BACE2: variants seen among roughly 807,000 people sequenced by gnomAD.
BACE2 encodes the protein beta-secretase 2, also known as 56 kDa aspartic-like protease.
In BACE2, 17 loss-of-function variants were observed where a neutral mutation model predicts 46.2. That is an observed-to-expected ratio of 0.37 (90% confidence interval 0.25 to 0.55). The LOEUF (loss-of-function observed/expected upper bound fraction) is 0.55. BACE2 is among the 20% of genes least tolerant of loss of function. BACE2 has a pLI of 0.82. For synonymous variants in BACE2, 277 were observed against 295.9 expected, an observed-to-expected ratio of 0.94 and a Z score of 0.66; for missense variants, 595 against 698.1, an observed-to-expected ratio of 0.85 and a Z score of 1.66.
chr21:41,239,535 G>T (rs932534940), intron 3 of BACE2, among the ~76,000 whole-genome samples: 1 of 152,100 alleles, frequency 6.6e-6, no homozygotes, highest in Admixed American at 6.5e-5. Context: ...ATGCCACAAC[G>T]CCTGGCTAAG....
Position 41,225,372 on chromosome 21 carries a change from A to G in BACE2, c.313-894A>G, listed in dbSNP as rs1265636445. On this transcript the variant is annotated intron_variant, in intron 1 of 8. Coordinates refer to ENST00000330333, the MANE Select transcript of BACE2 (RefSeq NM_012105.5). ...CTGTCTTATTCATAGTAGCCTCAAA[A>G]TGGACACAACTCAAGGGCCCGTCGA... 3.9e-5 allele frequency: 6 copies of G among 152,198 alleles called. No homozygotes were observed. In the East Asian group the frequency reaches 1.2e-3, roughly 29 times the overall value. 9.4% of individuals were successfully genotyped at this position (152,198 alleles called of 1,614,324 possible).
At chr21:41,252,327 AC>A in intron 7 of BACE2, 1 of 151,044 alleles carries the variant, frequency 6.6e-6, no homozygotes, top group Non-Finnish European at 1.5e-5. Context: ...TGTTCCACCA[AC>A]CCCCCTGCCT....
In BACE2 at chr21:41,273,441, A is replaced by T. The variant is rs574539194; in HGVS notation, c.1304-1930A>T. On this transcript the variant is annotated intron_variant, in intron 8 of 8. Transcript: ENST00000330333. ...TTCAGGGACCTACCCCTAGGAACAC[A>T]TTCTTTTTCTCAGGGCTGTTCCTGC... Among the ~76,000 whole-genome samples the T allele has an allele frequency of 8.5e-5, 13 of 152,328 alleles. No homozygotes were observed. In the South Asian group the frequency reaches 2.7e-3, roughly 32 times the overall value.
At chr21:41,250,637 T>G in intron 6 of BACE2, 115 bp from the exon 7 acceptor site, 1 of 904,914 alleles carries the variant, frequency 1.1e-6, no homozygotes, top group Non-Finnish European at 1.7e-6. Context: ...TCTGTCCAAA[T>G]TAAACATTGT....
rs544230038 is a variant in BACE2 at position 41,195,777 on chromosome 21, A to G, written c.312+27202A>G. Among the ~76,000 whole-genome samples the G allele has an allele frequency of 3.9e-5, 6 of 152,352 alleles. No individual in the cohort carries two copies. In the South Asian group the frequency reaches 1.2e-3, roughly 32 times the overall value. ...AGATAGGACTGGACTCAAAATGCCT[A>G]AAATCAAATGTATGACCACAAAGCT... On this transcript the variant is annotated intron_variant, in intron 1 of 8. Coordinates refer to ENST00000330333, the MANE Select transcript of BACE2 (RefSeq NM_012105.5).
chr21:41,264,680 T>C (rs1031309348), intron 8 of BACE2, among the ~76,000 whole-genome samples: 4 of 151,942 alleles, frequency 2.6e-5, no homozygotes, highest in Non-Finnish European at 4.4e-5. Context: ...GGGGTGGTAG[T>C]AAACCATTAG....
intron 1 of BACE2, chr21:41,176,526 C>T (rs61736857): frequency 0.15 from 22,659 of 152,248 alleles, 2,094 homozygotes; most frequent in Middle Eastern, 0.29. Flanking sequence ...ATTTGGAGGC[C>T]ACTGCAGAGG....
At chr21:41,222,977 G>A (rs1986702338) in intron 1 of BACE2, among the ~76,000 whole-genome samples, 1 of 152,170 alleles carries the variant, frequency 6.6e-6, no homozygotes, top group Admixed American at 6.5e-5. Context: ...CTCAATTCGG[G>A]ACACGCCAGG....
chr21:41,268,138 A>G (rs1231160651), intron 8 of BACE2, among the ~76,000 whole-genome samples: 1 of 152,248 alleles, frequency 6.6e-6, no homozygotes, highest in Admixed American at 6.5e-5. Flanking sequence ...GACTGTACTA[A>G]GTGCTTAACA....
intron 1 of BACE2, among the ~76,000 whole-genome samples, chr21:41,192,589 C>G (rs1181678470): frequency 6.6e-6 from 1 of 152,180 alleles, no homozygotes; most frequent in Non-Finnish European, 1.5e-5. Flanking sequence ...CTCCAATATT[C>G]TAGAGGCCTC....
Position 41,282,124 on chromosome 21 carries a change from A to T in BACE2, c.*6500A>T, listed in dbSNP as rs1470723908. ...TTTGCTTCTGGCAGGAGAGCTGCAA[A>T]CTGTGTATCCTCAAACAGATGCAAA... On this transcript the variant is annotated 3_prime_UTR_variant, in exon 9 of 9. Coordinates refer to ENST00000330333, the MANE Select transcript of BACE2 (RefSeq NM_012105.5). 1 of 152,258 alleles carries T rather than the reference A, an allele frequency of 6.6e-6. No individual in the cohort carries two copies. Among genetic ancestry groups the T allele is most frequent in the African/African-American group, 2.4e-5 (1 of 41,472 alleles). 9.4% of individuals were successfully genotyped at this position (152,258 alleles called of 1,614,324 possible). A position where few individuals can be genotyped will look rare whatever the true frequency, so the allele number is the denominator to read the frequency against.
chr21:41,220,930 C>T (rs1254301140), intron 1 of BACE2, among the ~76,000 whole-genome samples: 2 of 151,310 alleles, frequency 1.3e-5, no homozygotes, highest in Non-Finnish European at 2.9e-5. Flanking sequence ...TGTGGTGACT[C>T]ATGCCTGTAA....
chr21:41,227,032 G>A lies in BACE2; in HGVS notation c.401+678G>A, dbSNP rs140049407. On this transcript the variant is annotated intron_variant, in intron 2 of 8. Coordinates refer to ENST00000330333, the MANE Select transcript of BACE2 (RefSeq NM_012105.5). ...CTTCCGAGCAGCCCTGGGTGGGGTTGTGGGGAGGCCCCCAGCGGCTTGTGG... is the reference window on the plus strand; with the variant it reads ...CTTCCGAGCAGCCCTGGGTGGGGTTATGGGGAGGCCCCCAGCGGCTTGTGG... Among the ~76,000 whole-genome samples the A allele has an allele frequency of 1.4e-4, 21 of 152,344 alleles. No homozygotes were observed. In the East Asian group the frequency reaches 3.3e-3, roughly 24 times the overall value.
At chr21:41,258,357 T>C (rs1987845429) in intron 8 of BACE2, among the ~76,000 whole-genome samples, 2 of 152,168 alleles carry the variant, frequency 1.3e-5, no homozygotes, top group Admixed American at 1.3e-4. Flanking sequence ...ATTTGATGGA[T>C]ATGAGACGCT....
chr21:41,255,117 A>C (rs1987744167), intron 7 of BACE2, among the ~76,000 whole-genome samples: 1 of 152,274 alleles, frequency 6.6e-6, no homozygotes, highest in African/African-American at 2.4e-5. Context: ...TGGGTGAATC[A>C]TGAATTTACT....
intron 1 of BACE2, among the ~76,000 whole-genome samples, chr21:41,199,981 A>G (rs142088657): frequency 4.7e-5 from 7 of 148,530 alleles, no homozygotes; most frequent in African/African-American, 1.7e-4. Context: ...TACAAAGGAC[A>G]TGAACAATGA....
intron 3 of BACE2, among the ~76,000 whole-genome samples, chr21:41,241,349 A>T (rs1389951892): frequency 6.6e-6 from 1 of 152,046 alleles, no homozygotes; most frequent in African/African-American, 2.4e-5. Flanking sequence ...GGTCCGGGGG[A>T]TACTGTCCTC....
At chr21:41,244,058 T>A (rs1472495268) in intron 5 of BACE2, among the ~76,000 whole-genome samples, 1 of 152,214 alleles carries the variant, frequency 6.6e-6, no homozygotes, top group Non-Finnish European at 1.5e-5. Flanking sequence ...AGGACCATGT[T>A]CATGCCTTCT....
chr21:41,263,187 T>C (rs1462751007), intron 8 of BACE2, among the ~76,000 whole-genome samples: 1 of 152,182 alleles, frequency 6.6e-6, no homozygotes, highest in Non-Finnish European at 1.5e-5. Context: ...GAAAAGCTTT[T>C]TGACAATTTC....
Sources: gnomAD v4.1 joint callset for allele counts (sites outside exome capture counted in the v4.1 genomes callset) on GRCh38, gnomAD v4.1.1 for gene constraint, MANE v1.5 for transcripts, NCBI Gene and HGNC (gene_info 2026-07-23, HGNC 2026-07-21) for gene names.